The following NDUFAF2 variants were observed in gnomAD, a reference collection of about 807,000 sequenced individuals.
NDUFAF2 encodes the protein NADH dehydrogenase [ubiquinone] 1 alpha subcomplex assembly factor 2.
In NDUFAF2, 13 loss-of-function variants were observed where a neutral mutation model predicts 22.8. That is an observed-to-expected ratio of 0.57 (90% CI 0.37 to 0.91). The LOEUF (loss-of-function observed/expected upper bound fraction) is 0.91. NDUFAF2 is among the 40% of genes least tolerant of loss of function. The pLI, the probability that NDUFAF2 is intolerant of heterozygous loss-of-function variation, is 0.01. For missense variants in NDUFAF2, 162 were observed against 195.2 expected, an observed-to-expected ratio of 0.83 and a Z score of 1.01; for synonymous variants, 53 against 64.2, an observed-to-expected ratio of 0.83 and a Z score of 0.84.
chr5:60,966,982 G>A lies in NDUFAF2; in HGVS notation c.127+21600G>A, dbSNP rs575650906. On this transcript the variant is annotated intron_variant, in intron 1 of 3. Coordinates refer to ENST00000296597, the MANE Select transcript of NDUFAF2 (RefSeq NM_174889.5). ...TAATTCTTCCAATGCATGAAACAGAGTATGTTTCCATTCAGTTGTGTACAC... is the reference window on the plus strand; with the variant it reads ...TAATTCTTCCAATGCATGAAACAGAATATGTTTCCATTCAGTTGTGTACAC... Among the ~76,000 whole-genome samples, 9 of 152,178 alleles carry A rather than the reference G, an allele frequency of 5.9e-5. No individual in the cohort carries two copies. In the South Asian group the frequency reaches 1.7e-3, roughly 28 times the overall value.
intron 1 of NDUFAF2, among the ~76,000 whole-genome samples, chr5:60,966,901 A>G (rs149717049): frequency 9.9e-5 from 15 of 152,180 alleles, no homozygotes; most frequent in African/African-American, 3.6e-4. Flanking sequence ...GAATTTTGAT[A>G]GGGATTGCAG....
chr5:61,055,075 T>C (rs1752071597), intron 1 of NDUFAF2, among the ~76,000 whole-genome samples: 1 of 152,210 alleles, frequency 6.6e-6, no homozygotes, highest in Non-Finnish European at 1.5e-5. Flanking sequence ...GACAAGGAGA[T>C]GTATATTAAC....
chr5:60,963,401 AT>A lies in NDUFAF2; in HGVS notation c.127+18024del, dbSNP rs1314763726. On this transcript the variant is annotated intron_variant, in intron 1 of 3. Coordinates refer to ENST00000296597, the MANE Select transcript of NDUFAF2 (RefSeq NM_174889.5). ...AACTTGCCTTCCCCTCACTGGCAAG[AT>A]TTTTGAAAAGGGAGTCAACCTACTG... Among the ~76,000 whole-genome samples the A allele has an allele frequency of 2.6e-5, 4 of 152,290 alleles. No individual in the cohort carries two copies. In the East Asian group the frequency reaches 5.8e-4, roughly 22 times the overall value.
chr5:61,089,660 T>C (rs1037781508), intron 2 of NDUFAF2, among the ~76,000 whole-genome samples: 4 of 152,112 alleles, frequency 2.6e-5, no homozygotes, highest in Non-Finnish European at 5.9e-5. Flanking sequence ...GTTATGTTTA[T>C]GTATCTGTGT....
At chr5:61,059,776 AATTGCT>A (rs1318363488) in intron 1 of NDUFAF2, among the ~76,000 whole-genome samples, 1 of 152,082 alleles carries the variant, frequency 6.6e-6, no homozygotes, top group African/African-American at 2.4e-5. Context: ...AGACTTCTAT[AATTGCT>A]TTAAAAATAT....
chr5:61,136,003 CTTTATATATATATA>C (rs1291626197), intron 3 of NDUFAF2, among the ~76,000 whole-genome samples: 29 of 57,658 alleles, frequency 5.0e-4, no homozygotes, highest in African/African-American at 3.2e-3. Flanking sequence ...CTAAGCCTGT[CTTTATATATATATA>C]TATATATATA....
At chr5:60,961,643 G>C (rs1419233294) in intron 1 of NDUFAF2, among the ~76,000 whole-genome samples, 3 of 147,734 alleles carry the variant, frequency 2.0e-5, no homozygotes, top group South Asian at 4.3e-4. Flanking sequence ...GCAAATGCCT[G>C]TAATTCCAGC....
chr5:61,103,311 C>T (rs1389798685), intron 3 of NDUFAF2, among the ~76,000 whole-genome samples: 1 of 152,090 alleles, frequency 6.6e-6, no homozygotes, highest in Non-Finnish European at 1.5e-5. Context: ...ATGTCTTCTC[C>T]TTCTCCCATC....
intron 1 of NDUFAF2, among the ~76,000 whole-genome samples, chr5:60,973,275 T>A (rs1287681943): frequency 2.0e-5 from 3 of 152,140 alleles, no homozygotes; most frequent in Admixed American, 2.0e-4. Flanking sequence ...TTCATTCATG[T>A]CTGTAGTCTT....
intron 3 of NDUFAF2, among the ~76,000 whole-genome samples, chr5:61,134,413 CG>C (rs1248256417): frequency 1.3e-5 from 2 of 152,176 alleles, no homozygotes; most frequent in Non-Finnish European, 2.9e-5. Context: ...CCGCCAGGCG[CG>C]GTGGCTCACG....
chr5:61,069,635 T>A (rs1189607915), intron 1 of NDUFAF2, among the ~76,000 whole-genome samples: 1 of 152,112 alleles, frequency 6.6e-6, no homozygotes. Context: ...AAGTTTAGGT[T>A]TCTGCTCTAG....
intron 1 of NDUFAF2, among the ~76,000 whole-genome samples, chr5:60,984,834 G>A (rs57366470): frequency 0.02 from 3,047 of 152,138 alleles, 120 homozygotes; most frequent in African/African-American, 0.07. Flanking sequence ...ATGTTCATCA[G>A]GGATGTTGGT....
intron 1 of NDUFAF2, among the ~76,000 whole-genome samples, chr5:60,949,117 A>G (rs897748602): frequency 6.6e-6 from 1 of 152,204 alleles, no homozygotes; most frequent in Non-Finnish European, 1.5e-5. Flanking sequence ...AAATTTGAAC[A>G]CATGTGATTC....
chr5:61,131,424 G>A (rs1263577752), intron 3 of NDUFAF2, among the ~76,000 whole-genome samples: 1 of 151,948 alleles, frequency 6.6e-6, no homozygotes, highest in Non-Finnish European at 1.5e-5. Flanking sequence ...TGCCCAAAAT[G>A]GATGTTAACT....
intron 1 of NDUFAF2, among the ~76,000 whole-genome samples, chr5:61,002,488 T>C (rs1751309368): frequency 6.6e-6 from 1 of 152,188 alleles, no homozygotes; most frequent in Non-Finnish European, 1.5e-5. Context: ...TTTATGGTTC[T>C]TTCTTCTCCT....
In NDUFAF2 at chr5:61,120,389, T is replaced by C. The variant is rs546157519; in HGVS notation, c.258+21357T>C. Among the ~76,000 whole-genome samples, 3 of 152,288 alleles carry C rather than the reference T, an allele frequency of 2.0e-5. No individual in the cohort carries two copies. The South Asian group carries it at 6.2e-4, about 32-fold the overall frequency. On this transcript the variant is annotated intron_variant, in intron 3 of 3. Coordinates refer to ENST00000296597, the MANE Select transcript of NDUFAF2 (RefSeq NM_174889.5). ...TGCTAGTTTGTGTTATAAATCTTTT[T>C]GGTTTTGAAAACATTTATTTTAGGC...
At chr5:61,101,971 C>G (rs1197076987) in intron 3 of NDUFAF2, among the ~76,000 whole-genome samples, 2 of 152,110 alleles carry the variant, frequency 1.3e-5, no homozygotes, top group Non-Finnish European at 2.9e-5. Context: ...TGTTAAAACA[C>G]AGATTGCTGG....
chr5:61,041,643 C>T (rs928938056), intron 1 of NDUFAF2, among the ~76,000 whole-genome samples: 1 of 152,116 alleles, frequency 6.6e-6, no homozygotes, highest in African/African-American at 2.4e-5. Flanking sequence ...TTATAAGCAA[C>T]GTTTAGTTTA....
chr5:61,066,687 C>T (rs1019683577), intron 1 of NDUFAF2, among the ~76,000 whole-genome samples: 5 of 152,074 alleles, frequency 3.3e-5, no homozygotes, highest in African/African-American at 1.2e-4. Context: ...TATCCACATA[C>T]TTCTGTATAC....
Sources: allele counts gnomAD v4.1 joint callset (sites outside exome capture counted in the v4.1 genomes callset), GRCh38; gene constraint gnomAD v4.1.1; transcripts MANE v1.5; gene names NCBI Gene and HGNC (gene_info 2026-07-23, HGNC 2026-07-21).